Variants in NCEH1 observed in about 807,000 individuals in gnomAD.
NCEH1 encodes the protein 2-acetyl MAGE hydrolase.
A neutral mutation model predicts 25.4 loss-of-function variants in NCEH1; 9 were observed. The ratio of observed to expected loss-of-function variants is 0.35; its 90% CI spans 0.21 to 0.62. The LOEUF (loss-of-function observed/expected upper bound fraction) is 0.62, where lower values mean the gene tolerates loss of function less well. NCEH1 is among the 20% of genes least tolerant of loss of function. The pLI, the probability that NCEH1 is intolerant of heterozygous loss-of-function variation, is 0.72. For synonymous variants in NCEH1, 200 were observed against 199.8 expected (o/e 1.00, Z -0.01); for missense variants, 412 against 501.1 (o/e 0.82, Z 1.70).
At chr3:172,687,402 C>A (rs913493483) in intron 1 of NCEH1, among the ~76,000 whole-genome samples, 7 of 152,164 alleles carry the variant, frequency 4.6e-5, no homozygotes, top group Non-Finnish European at 1.0e-4. Context: ...TTGCTTGCTG[C>A]ACAATATCTT....
At chr3:172,671,809 G>A (rs1018244285) in intron 1 of NCEH1, among the ~76,000 whole-genome samples, 1 of 152,136 alleles carries the variant, frequency 6.6e-6, no homozygotes, top group Non-Finnish European at 1.5e-5. Context: ...ATGACATTTT[G>A]CTCAAGAACA....
intron 1 of NCEH1, among the ~76,000 whole-genome samples, chr3:172,704,346 T>C (rs545656123): frequency 6.6e-6 from 1 of 152,370 alleles, no homozygotes; most frequent in African/African-American, 2.4e-5. Context: ...ATTGTGTCAC[T>C]GAAAAGATTC....
intron 2 of NCEH1, 105 bp downstream of exon 2, chr3:172,647,781 A>C: frequency 6.9e-7 from 1 of 1,449,806 alleles, no homozygotes; most frequent in South Asian, 1.3e-5. Context: ...AGGGGAACCT[A>C]GATAAATGGT....
In NCEH1 at chr3:172,634,029, G is replaced by T. The variant is rs1716496156; in HGVS notation, c.673C>A (p.Gln225Lys). 1 of 1,614,158 alleles carries T rather than the reference G, an allele frequency of 6.2e-7. No homozygotes were observed. Among genetic ancestry groups the T allele is most frequent in the East Asian group, 2.2e-5 (1 of 44,896 alleles). Residue 225 changes from glutamine to lysine, a missense_variant, in exon 5 of 5, where the codon CAA becomes AAA. Transcript: ENST00000475381. ...GATGGTGTGTTAAAATCTAAAGCTT[G>T]AAGAACTGGATAAATTAAAGCTTGT... is the stretch of plus-strand genomic sequence containing the variant. ...KLQALIYPVL[Q>K]ALDFNTPSYQ...
intron 1 of NCEH1, among the ~76,000 whole-genome samples, chr3:172,706,690 G>A (rs150587575): frequency 0.027 from 4,024 of 151,528 alleles, 164 homozygotes; most frequent in African/African-American, 0.091. Context: ...TAGTAGAGAC[G>A]GGGTTTCACC....
chr3:172,675,306 TA>T (rs1711909974), intron 1 of NCEH1, among the ~76,000 whole-genome samples: 1 of 14,458 alleles, frequency 6.9e-5, no homozygotes. Flanking sequence ...CTGTCTCAAA[TA>T]AATAAATAAA....
At chr3:172,649,536 G>A (rs1334643443) in intron 1 of NCEH1, among the ~76,000 whole-genome samples, 2 of 152,198 alleles carry the variant, frequency 1.3e-5, no homozygotes, top group Non-Finnish European at 2.9e-5. Context: ...TTATGCATGT[G>A]TACATGCACA....
At chr3:172,705,302 T>A (rs1033599664) in intron 1 of NCEH1, among the ~76,000 whole-genome samples, 1 of 152,118 alleles carries the variant, frequency 6.6e-6, no homozygotes, top group South Asian at 2.1e-4. Context: ...CTAAGCACAT[T>A]CTGAGAATGA....
At chr3:172,690,757 C>T (rs1352317685) in intron 1 of NCEH1, among the ~76,000 whole-genome samples, 1 of 152,138 alleles carries the variant, frequency 6.6e-6, no homozygotes, top group Non-Finnish European at 1.5e-5. Flanking sequence ...TTGACAAATC[C>T]TTCTGTTAGA....
At chr3:172,709,706 T>C (rs1714196234) in intron 1 of NCEH1, among the ~76,000 whole-genome samples, 1 of 152,156 alleles carries the variant, frequency 6.6e-6, no homozygotes, top group Non-Finnish European at 1.5e-5. Flanking sequence ...ACATAATGAG[T>C]GGACAGGGAA....
chr3:172,650,776 C>T (rs1177293719), intron 1 of NCEH1, among the ~76,000 whole-genome samples: 4 of 121,762 alleles, frequency 3.3e-5, no homozygotes, highest in Non-Finnish European at 1.6e-5. Flanking sequence ...TGTGCCACTG[C>T]AATCCAGCCT....
At position 172,643,756 on chromosome 3, in the gene NCEH1, C is replaced by T. The variant is rs185866406; in HGVS notation, c.437+1867G>A. Among the ~76,000 whole-genome samples, 421 of 152,246 alleles carry T rather than the reference C, an allele frequency of 2.8e-3. 4 individuals are homozygous for T. Among genetic ancestry groups the T allele is most frequent in the African/African-American group, 8.2e-3 (340 of 41,542 alleles). The stretch of plus-strand genomic sequence containing the variant: ...CCCTGTGGTAAATGGAAAATCTGCA[C>T]GGTGCCAACTGAAGCAAGCCCAGCT... On this transcript the variant is annotated intron_variant, in intron 3 of 4. Coordinates refer to ENST00000475381, the MANE Select transcript of NCEH1 (RefSeq NM_020792.6).
chr3:172,686,265 C>T (rs1299077478), intron 1 of NCEH1, among the ~76,000 whole-genome samples: 1 of 152,170 alleles, frequency 6.6e-6, no homozygotes, highest in Non-Finnish European at 1.5e-5. Flanking sequence ...GGGGCCAGGG[C>T]TCCAACCCAG....
chr3:172,636,245 T>C, intron 3 of NCEH1, 158 bp from the exon 4 acceptor site: 1 of 472,554 alleles, frequency 2.1e-6, no homozygotes, highest in South Asian at 4.9e-5. Context: ...AATATAAAAA[T>C]AAACCATTTT....
chr3:172,637,943 A>G (rs1453633279), intron 3 of NCEH1, among the ~76,000 whole-genome samples: 1 of 151,878 alleles, frequency 6.6e-6, no homozygotes, highest in Non-Finnish European at 1.5e-5. Context: ...GCTAGTTGGG[A>G]GGCTGAGGCC....
intron 1 of NCEH1, among the ~76,000 whole-genome samples, chr3:172,689,585 C>T (rs1456216941): frequency 7.3e-6 from 1 of 137,916 alleles, no homozygotes; most frequent in Admixed American, 7.2e-5. Flanking sequence ...TGGCACGAGC[C>T]TGTAATCCCA....
Position 172,631,563 on chromosome 3 carries a change from G to A in NCEH1, c.*1912C>T, listed in dbSNP as rs1716355411. On this transcript the variant is annotated 3_prime_UTR_variant, in exon 5 of 5. Coordinates refer to ENST00000475381, the MANE Select transcript of NCEH1 (RefSeq NM_020792.6). ...CACATAATTCAGCTCTTTGATTTTA[G>A]AGGGAGGAAAGACGAGGCCCAGAGA... 6.6e-6 allele frequency: 1 copy of A among 152,628 alleles called. No individual in the cohort carries two copies. The allele number at this position is 152,628 out of a possible 1,614,324, so 9.5% of individuals were successfully genotyped here. A position where few individuals can be genotyped will look rare whatever the true frequency, so the allele number is the denominator to read the frequency against.
intron 3 of NCEH1, among the ~76,000 whole-genome samples, chr3:172,639,519 CT>C (rs1317153974): frequency 1.3e-5 from 2 of 152,176 alleles, no homozygotes; most frequent in Non-Finnish European, 2.9e-5. Context: ...CTGCTCTCTG[CT>C]GCTGGTGCTC....
intron 1 of NCEH1, among the ~76,000 whole-genome samples, chr3:172,678,134 A>G (rs1192102237): frequency 2.0e-5 from 3 of 152,212 alleles, no homozygotes; most frequent in East Asian, 3.8e-4. Flanking sequence ...AGGTCATGAA[A>G]TGTATCCCAA....
Sources: allele counts gnomAD v4.1 joint callset (sites outside exome capture counted in the v4.1 genomes callset), GRCh38; gene constraint gnomAD v4.1.1; transcripts MANE v1.5; gene names NCBI Gene and HGNC (gene_info 2026-07-23, HGNC 2026-07-21).